Variants in SNX30 observed in about 807,000 individuals in gnomAD.
SNX30 encodes sorting nexin family member 30.
SNX30 carries 24 observed loss-of-function variants against 46.4 expected under a neutral mutation model. The observed-to-expected ratio is 0.52, with a 90% CI of 0.37 to 0.73. The LOEUF is 0.73. Among genes scored for constraint, SNX30 ranks in the 30% least tolerant of loss-of-function variants. SNX30 has a pLI of 0.00. For missense variants in SNX30, 533 were observed against 555.7 expected (o/e 0.96, Z 0.41); for synonymous variants, 189 against 211.5 (o/e 0.89, Z 0.92).
intron 2 of SNX30, among the ~76,000 whole-genome samples, chr9:112,807,495 A>G (rs572420339): frequency 9.2e-5 from 14 of 152,290 alleles, no homozygotes; most frequent in African/African-American, 2.4e-4. Flanking sequence ...ATGCTTACAT[A>G]TATTATTTCC....
rs888667177 is a variant in SNX30, at chr9:112,861,875, G to T, written c.1102-2372G>T. On this transcript the variant is annotated intron_variant, in intron 7 of 8. Coordinates refer to ENST00000374232, the MANE Select transcript of SNX30 (RefSeq NM_001012994.2). ...CATGAGGCCCGATCTTCCCAGGTTG[G>T]CCGCCCCCTCCATCCTCCTCAGCGT... 2.0e-5 allele frequency among the ~76,000 whole-genome samples: 3 copies of T among 152,288 alleles called. No individual in the cohort carries two copies. The South Asian group carries it at 6.2e-4, about 32-fold the overall frequency.
intron 1 of SNX30, among the ~76,000 whole-genome samples, chr9:112,784,418 C>T (rs1839888685): frequency 2.0e-5 from 3 of 152,158 alleles, no homozygotes. Flanking sequence ...ATTTAAGATT[C>T]CCTAGGATTC....
chr9:112,783,187 A>T (rs1449839038), intron 1 of SNX30, among the ~76,000 whole-genome samples: 1 of 152,218 alleles, frequency 6.6e-6, no homozygotes, highest in East Asian at 1.9e-4. Flanking sequence ...GTAACTGTTT[A>T]ATGAAATCTC....
At chr9:112,761,155 T>G (rs946207361) in intron 1 of SNX30, among the ~76,000 whole-genome samples, 1 of 151,624 alleles carries the variant, frequency 6.6e-6, no homozygotes, top group African/African-American at 2.4e-5. Context: ...GAGGGCGTGG[T>G]TTTGTTTGTT....
chr9:112,817,905 A>G, intron 3 of SNX30, 90 bp downstream of exon 3: 1 of 814,280 alleles, frequency 1.2e-6, no homozygotes, highest in Non-Finnish European at 2.2e-6. Context: ...CTTAAGTTAT[A>G]CAGACTCACC....
At chr9:112,856,438 T>G (rs1471756915) in intron 7 of SNX30, among the ~76,000 whole-genome samples, 78 of 86,746 alleles carry the variant, frequency 9.0e-4, no homozygotes, top group South Asian at 2.1e-3. Flanking sequence ...TGTGTGGGGG[T>G]GGGTGTGGTG....
intron 1 of SNX30, among the ~76,000 whole-genome samples, chr9:112,782,529 G>A (rs1839862454): frequency 6.6e-6 from 1 of 152,108 alleles, no homozygotes; most frequent in African/African-American, 2.4e-5. Flanking sequence ...TCATCATGTA[G>A]TACTCATTTT....
intron 1 of SNX30, among the ~76,000 whole-genome samples, chr9:112,782,507 C>T (rs938579169): frequency 6.6e-6 from 1 of 152,142 alleles, no homozygotes; most frequent in Non-Finnish European, 1.5e-5. Flanking sequence ...GTTTGCTGAC[C>T]CCTGGTATAA....
Position 112,817,755 on chromosome 9 carries a change from C to G in SNX30, c.399C>G (p.Tyr133Ter). The G allele has an allele frequency of 6.2e-7, 1 of 1,613,828 alleles. No homozygotes were observed. Among genetic ancestry groups the G allele is most frequent in the East Asian group, 2.2e-5 (1 of 44,876 alleles). The change falls in exon 3 of 9, where the codon TAC becomes TAG. Residue 133 changes from tyrosine (Y) to a stop codon, truncating the protein, a stop_gained. Coordinates refer to ENST00000374232, the MANE Select transcript of SNX30 (RefSeq NM_001012994.2). LOFTEE classifies it high-confidence loss of function. ...CAGAATATTCTGTTCGTCGAAGATACCAGGATTTTGACTGGTTGAGGAGCA... is the reference window on the plus strand; with the variant it reads ...CAGAATATTCTGTTCGTCGAAGATAGCAGGATTTTGACTGGTTGAGGAGCA... ...DLPEYSVRRR[Y>*]QDFDWLRSKL...
At chr9:112,795,568 C>T (rs1034536922) in intron 1 of SNX30, among the ~76,000 whole-genome samples, 1 of 152,074 alleles carries the variant, frequency 6.6e-6, no homozygotes, top group East Asian at 1.9e-4. Flanking sequence ...ACTGACTCTC[C>T]CCTCCCTCAC....
intron 6 of SNX30, among the ~76,000 whole-genome samples, chr9:112,843,948 G>A (rs954095810): frequency 6.6e-6 from 1 of 152,154 alleles, no homozygotes; most frequent in Admixed American, 6.5e-5. Context: ...TAGAAGAGAA[G>A]CCATTTGGTT....
rs1419849079 is a variant in SNX30 at position 112,874,895 on chromosome 9, G to A, written c.*6052G>A. The A allele has an allele frequency of 6.6e-6, 1 of 152,084 alleles. No homozygotes were observed. Among genetic ancestry groups the A allele is most frequent in the African/African-American group, 2.4e-5 (1 of 41,422 alleles). The allele number at this position is 152,084 out of a possible 1,614,324, so 9.4% of individuals were successfully genotyped here. On this transcript the variant is annotated 3_prime_UTR_variant, in exon 9 of 9. Coordinates refer to ENST00000374232, the MANE Select transcript of SNX30 (RefSeq NM_001012994.2). ...CATTTTGAGGTAAACAAAAGAATTT[G>A]TATTGCTTGATAAATATTAGCTTGT...
chr9:112,797,455 T>C (rs552437205), intron 1 of SNX30, among the ~76,000 whole-genome samples: 2 of 152,168 alleles, frequency 1.3e-5, no homozygotes, highest in Non-Finnish European at 2.9e-5. Flanking sequence ...CACCTACTCA[T>C]CCTTAATTAT....
At chr9:112,849,545 C>A (rs1048750402) in intron 6 of SNX30, among the ~76,000 whole-genome samples, 1 of 152,152 alleles carries the variant, frequency 6.6e-6, no homozygotes, top group Admixed American at 6.5e-5. Flanking sequence ...AATGTCAGGG[C>A]ACTTAGGAGA....
chr9:112,779,905 TC>T (rs1228951923), intron 1 of SNX30, among the ~76,000 whole-genome samples: 4 of 152,156 alleles, frequency 2.6e-5, no homozygotes, highest in African/African-American at 7.2e-5. Flanking sequence ...GGGGAATCTC[TC>T]AGCTGGTGAG....
At chr9:112,793,804 G>T (rs66494962) in intron 1 of SNX30, among the ~76,000 whole-genome samples, 24,130 of 138,188 alleles carry the variant, frequency 0.17, 2,392 homozygotes, top group Admixed American at 0.23. Context: ...ACTGTTTTTT[G>T]TTTTTTTTTT....
rs918061296 is a variant in SNX30 at position 112,872,020 on chromosome 9, A to C, written c.*3177A>C. The C allele has an allele frequency of 6.6e-6, 1 of 152,160 alleles. No individual in the cohort carries two copies. Among genetic ancestry groups the C allele is most frequent in the Non-Finnish European group, 1.5e-5 (1 of 68,026 alleles). 9.4% of individuals were successfully genotyped at this position (152,160 alleles called of 1,614,324 possible). ...CCATATTCCACCACGTCATTCCTTC[A>C]ACTCACCAGACACCTTTCTTTAGTT... On this transcript the variant is annotated 3_prime_UTR_variant, in exon 9 of 9. Coordinates refer to ENST00000374232, the MANE Select transcript of SNX30 (RefSeq NM_001012994.2).
chr9:112,862,428 G>T (rs1162779509), intron 7 of SNX30, among the ~76,000 whole-genome samples: 1 of 152,198 alleles, frequency 6.6e-6, no homozygotes, highest in Non-Finnish European at 1.5e-5. Flanking sequence ...GGGGAGGTGA[G>T]GCCAGCCAGA....
intron 6 of SNX30, among the ~76,000 whole-genome samples, chr9:112,850,256 C>A (rs1471678553): frequency 6.6e-6 from 1 of 152,304 alleles, no homozygotes; most frequent in Non-Finnish European, 1.5e-5. Context: ...CAGGTATAGC[C>A]CCTTTAGCAC....
Sources: allele counts gnomAD v4.1 joint callset (sites outside exome capture counted in the v4.1 genomes callset), GRCh38; gene constraint gnomAD v4.1.1; transcripts MANE v1.5; gene names NCBI Gene and HGNC (gene_info 2026-07-23, HGNC 2026-07-21).